RBPJ: variants seen among roughly 807,000 people sequenced by gnomAD.
The protein encoded by RBPJ is recombination signal binding protein for immunoglobulin kappa J region.
A neutral mutation model predicts 67.8 loss-of-function variants in RBPJ; 9 were observed. The observed-to-expected ratio is 0.13, with a 90% confidence interval of 0.08 to 0.23. The LOEUF (loss-of-function observed/expected upper bound fraction) is 0.23, where lower values mean the gene tolerates loss of function less well. Among genes scored for constraint, RBPJ ranks in the 10% least tolerant of loss-of-function variants. The pLI is 1.00. For synonymous variants in RBPJ, 198 were observed against 203.3 expected, an observed-to-expected ratio of 0.97 and a Z score of 0.22; for missense variants, 305 against 595.6, an observed-to-expected ratio of 0.51 and a Z score of 5.08.
the RBPJ span, among the ~76,000 whole-genome samples, chr4:26,126,939 G>A: frequency 2.0e-5 from 3 of 152,200 alleles, no homozygotes; most frequent in Non-Finnish European, 4.4e-5. Flanking sequence ...AGGTCATTAC[G>A]CCTTAAAGGA....
chr4:26,399,928 C>G (rs934175023), intron 2 of RBPJ, among the ~76,000 whole-genome samples: 1 of 152,162 alleles, frequency 6.6e-6, no homozygotes, highest in Non-Finnish European at 1.5e-5. Context: ...ATTTGCCCAC[C>G]TCAGCCTCCC....
chr4:26,354,451 G>GTTTT (rs35328021), intron 1 of RBPJ, among the ~76,000 whole-genome samples: 1 of 117,494 alleles, frequency 8.5e-6, no homozygotes, highest in African/African-American at 3.1e-5. Flanking sequence ...AAAGATTTCT[G>GTTTT]TTTTTTTTTT....
At chr4:26,413,884 CAG>C (rs1368977283) in intron 3 of RBPJ, among the ~76,000 whole-genome samples, 1 of 152,062 alleles carries the variant, frequency 6.6e-6, no homozygotes. Flanking sequence ...TTTAAAAAAA[CAG>C]TATTTCATAT....
At position 26,387,707 on chromosome 4, in the gene RBPJ, G is replaced by A. The variant is rs553755642; in HGVS notation, c.59+1316G>A. Reference sequence around the variant, plus strand: ...TTCAGCTGCATATTGATCAGCATGCGTGTGTAAGAAAACTACTCCGTGGTG... The same window carrying A: ...TTCAGCTGCATATTGATCAGCATGCATGTGTAAGAAAACTACTCCGTGGTG... On this transcript the variant is annotated intron_variant, in intron 2 of 10. Transcript: ENST00000355476. 9.9e-5 allele frequency among the ~76,000 whole-genome samples: 15 copies of A among 152,272 alleles called. No individual in the cohort carries two copies. The South Asian group carries it at 2.9e-3, about 29-fold the overall frequency.
At chr4:26,272,818 C>T in intron 1 of RBPJ, 1 of 407,026 alleles carries the variant, frequency 2.5e-6, no homozygotes, top group South Asian at 1.8e-5. Context: ...ATTGGATCTG[C>T]ATAATGTACT....
At chr4:26,357,245 CTATAGGACTGTT>C (rs1727479376) in intron 1 of RBPJ, among the ~76,000 whole-genome samples, 1 of 152,050 alleles carries the variant, frequency 6.6e-6, no homozygotes, top group Non-Finnish European at 1.5e-5. Context: ...AGGTGATTGA[CTATAGGACTGTT>C]ACAGTGATCC....
intron 1 of RBPJ, among the ~76,000 whole-genome samples, chr4:26,220,063 G>A (rs1222903529): frequency 2.6e-5 from 4 of 152,102 alleles, no homozygotes; most frequent in Non-Finnish European, 4.4e-5. Flanking sequence ...GATTACAGGC[G>A]TGAGCCACCC....
chr4:26,231,067 G>A (rs1160588408), intron 1 of RBPJ, among the ~76,000 whole-genome samples: 1 of 152,176 alleles, frequency 6.6e-6, no homozygotes, highest in Non-Finnish European at 1.5e-5. Context: ...ACATAAAAAT[G>A]TGGAGGTAGA....
chr4:26,273,282 T>C (rs1720970800), intron 1 of RBPJ, among the ~76,000 whole-genome samples: 2 of 152,210 alleles, frequency 1.3e-5, no homozygotes, highest in African/African-American at 4.8e-5. Flanking sequence ...TAAAGAGAAC[T>C]GTTACCTCAC....
In RBPJ at chr4:26,424,241, A is replaced by T; in HGVS notation, c.497-101A>T. ...AATATTTGTCAAACTGTTAAATGAT[A>T]AGAAAGAATAATTATACACTGCCAA... On this transcript the variant is annotated intron_variant, in intron 5 of 10. Coordinates refer to ENST00000355476, the MANE Select transcript of RBPJ (RefSeq NM_015874.6). This position sits in a 1 kb window ranked among gnomAD's most constrained non-coding sequence, Gnocchi z 5.3. 9.0e-7 allele frequency: 1 copy of T among 1,113,026 alleles called. No homozygotes were observed. Among genetic ancestry groups the T allele is most frequent in the Non-Finnish European group, 1.3e-6 (1 of 764,020 alleles). 68.9% of individuals were successfully genotyped at this position (1,113,026 alleles called of 1,614,324 possible).
At chr4:26,238,956 C>T (rs1050365352) in intron 1 of RBPJ, among the ~76,000 whole-genome samples, 5 of 151,962 alleles carry the variant, frequency 3.3e-5, no homozygotes, top group African/African-American at 1.2e-4. Context: ...GGAGAGCAGA[C>T]GCAGAAGAAA....
At chr4:26,408,707 G>A (rs1046232719) in intron 3 of RBPJ, among the ~76,000 whole-genome samples, 1 of 152,180 alleles carries the variant, frequency 6.6e-6, no homozygotes, top group African/African-American at 2.4e-5. Flanking sequence ...TGTGGGCAAC[G>A]AATCTGAAAA....
chr4:26,109,460 C>CTCTCTCTATATA, the RBPJ span, among the ~76,000 whole-genome samples: 3 of 14,704 alleles, frequency 2.0e-4, no homozygotes, highest in East Asian at 1.6e-3. Flanking sequence ...CTCTCTCTCT[C>CTCTCTCTATATA]TATATATATA....
chr4:26,165,462 T>A (rs1194714790), intron 1 of RBPJ, among the ~76,000 whole-genome samples: 1 of 152,164 alleles, frequency 6.6e-6, no homozygotes, highest in African/African-American at 2.4e-5. Context: ...GAATGAATTA[T>A]GCAGATACAA....
At chr4:26,232,884 G>A (rs553582466) in intron 1 of RBPJ, among the ~76,000 whole-genome samples, 1 of 152,214 alleles carries the variant, frequency 6.6e-6, no homozygotes, top group Non-Finnish European at 1.5e-5. Context: ...TGTAAAGAGA[G>A]TGCGGGGAAC....
At chr4:26,286,664 T>G (rs1387359804) in intron 1 of RBPJ, among the ~76,000 whole-genome samples, 1 of 152,136 alleles carries the variant, frequency 6.6e-6, no homozygotes, top group African/African-American at 2.4e-5. Context: ...AGGCTTAAAT[T>G]TTTTGATTCC....
At chr4:26,222,644 A>ATG (rs1299369201) in intron 1 of RBPJ, among the ~76,000 whole-genome samples, 1 of 146,740 alleles carries the variant, frequency 6.8e-6, no homozygotes, top group African/African-American at 2.5e-5. Flanking sequence ...ATATATATAT[A>ATG]TATATATATA....
At chr4:26,388,604 A>ACACTCT (rs954405529) in intron 2 of RBPJ, among the ~76,000 whole-genome samples, 1 of 150,182 alleles carries the variant, frequency 6.7e-6, no homozygotes, top group Non-Finnish European at 1.5e-5. Flanking sequence ...TTACACACAC[A>ACACTCT]CTCTCTCTCT....
chr4:26,381,082 T>C (rs1353082993), intron 1 of RBPJ, among the ~76,000 whole-genome samples: 2 of 151,048 alleles, frequency 1.3e-5, no homozygotes, highest in African/African-American at 2.4e-5. Context: ...AGAAAGTTTT[T>C]TCTTGTTTTT....
Sources: allele counts gnomAD v4.1 joint callset (sites outside exome capture counted in the v4.1 genomes callset), GRCh38; gene constraint gnomAD v4.1.1; non-coding constraint Gnocchi (gnomAD v3.1); transcripts MANE v1.5; gene names NCBI Gene and HGNC (gene_info 2026-07-23, HGNC 2026-07-21).